Variants in HDAC4 observed in about 807,000 individuals in gnomAD.
The protein encoded by HDAC4 is histone deacetylase 4, also known as histone deacetylase A.
A neutral mutation model predicts 135.1 loss-of-function variants in HDAC4; 16 were observed. The observed-to-expected ratio is 0.12, with a 90% CI of 0.08 to 0.18. The LOEUF (loss-of-function observed/expected upper bound fraction) is 0.18. Among genes scored for constraint, HDAC4 ranks in the 10% least tolerant of loss-of-function variants. HDAC4 has a pLI of 1.00. For missense variants in HDAC4, 1,143 were observed against 1,511.8 expected, an observed-to-expected ratio of 0.76 and a Z score of 4.05; for synonymous variants, 685 against 653.4, an observed-to-expected ratio of 1.05 and a Z score of -0.74.
intron 1 of HDAC4, among the ~76,000 whole-genome samples, chr2:239,381,591 G>C (rs1307630642): frequency 1.3e-5 from 2 of 152,170 alleles, no homozygotes; most frequent in Non-Finnish European, 2.9e-5. Flanking sequence ...CTGTACAGTG[G>C]AACAAAATCC....
rs1350893261 is a variant in HDAC4, at chr2:239,357,905, AAAAAAAAAAAAAG to A, written c.-219-5000_-219-4988del. Among the ~76,000 whole-genome samples, 132 of 132,406 alleles carry A rather than the reference AAAAAAAAAAAAAG, an allele frequency of 1.0e-3. 1 individual carries two copies. In the South Asian group the frequency reaches 0.012, roughly 12 times the overall value. The allele number at this position is 132,406 out of a possible 152,430, so 86.9% of individuals were successfully genotyped here. ...CTCTGTTCCAAAAAAAAAAAAAAAA[AAAAAAAAAAAAAG>A]AGAGTGGGAATTAACTACAGATTGC... On this transcript the variant is annotated intron_variant, in intron 1 of 26. Transcript: ENST00000543185.
At chr2:239,209,078 G>A (rs763155287) in intron 3 of HDAC4, among the ~76,000 whole-genome samples, 190 of 152,060 alleles carry the variant, frequency 1.2e-3, no homozygotes, top group African/African-American at 1.7e-3. Flanking sequence ...AGGGGGTTTC[G>A]CCATGTTGCT....
At chr2:239,193,486 G>T (rs1402022284) in intron 3 of HDAC4, among the ~76,000 whole-genome samples, 1 of 152,232 alleles carries the variant, frequency 6.6e-6, no homozygotes, top group Non-Finnish European at 1.5e-5. Context: ...GAGGAGCACA[G>T]GAGCTGATGG....
At position 239,313,487 on chromosome 2, in the gene HDAC4, A is replaced by G. The variant is rs181036682; in HGVS notation, c.22+39191T>C. Among the ~76,000 whole-genome samples the G allele has an allele frequency of 1.3e-3, 191 of 152,130 alleles. 1 individual carries two copies. The highest frequency in any genetic ancestry group is 4.5e-3 in the African/African-American group (186 of 41,502). ...GCTGGCCATCCCACCGAGCACTGAT[A>G]CCGCAGGCTGGACTCTTCCTAACCT... On this transcript the variant is annotated intron_variant, in intron 2 of 26. Coordinates refer to ENST00000543185, the MANE Select transcript of HDAC4 (RefSeq NM_001378414.1). This position sits in a 1 kb window ranked among gnomAD's most constrained non-coding sequence, Gnocchi z 5.1.
chr2:239,335,508 CA>C (rs61007856), intron 2 of HDAC4, among the ~76,000 whole-genome samples: 12,267 of 59,628 alleles, frequency 0.21, 303 homozygotes, highest in East Asian at 0.3. Context: ...ATCTGTTCAG[CA>C]AAAAAAAAAA....
intron 2 of HDAC4, among the ~76,000 whole-genome samples, chr2:239,275,406 C>A (rs2050298936): frequency 6.6e-6 from 1 of 152,264 alleles, no homozygotes; most frequent in African/African-American, 2.4e-5. Flanking sequence ...CCCAGACTTG[C>A]TGATTCACCA....
At position 239,249,296 on chromosome 2, in the gene HDAC4, G is replaced by A. The variant is rs75314607; in HGVS notation, c.23-12632C>T. On this transcript the variant is annotated intron_variant, in intron 2 of 26. Transcript: ENST00000543185. The stretch of plus-strand genomic sequence containing the variant: ...CTTCCATTCCGACTTCAGCCACCAT[G>A]CGGAGTGTCGCCCAGGGCGGGGAGG... Among the ~76,000 whole-genome samples the A allele has an allele frequency of 6.3e-3, 965 of 152,334 alleles. 21 individuals are homozygous for A. The East Asian group carries it at 0.086, about 14-fold the overall frequency.
chr2:239,392,105 G>C (rs1427676808), intron 1 of HDAC4, among the ~76,000 whole-genome samples: 2 of 152,248 alleles, frequency 1.3e-5, no homozygotes, highest in African/African-American at 4.8e-5. Context: ...GGGCAGGGGT[G>C]GGATGGCCCA....
At chr2:239,233,700 A>G (rs2047727797) in intron 3 of HDAC4, among the ~76,000 whole-genome samples, 1 of 152,226 alleles carries the variant, frequency 6.6e-6, no homozygotes, top group Non-Finnish European at 1.5e-5. Flanking sequence ...TGTTGAACAT[A>G]ACGGCATTCA....
chr2:239,248,812 C>T (rs982662136), intron 2 of HDAC4, among the ~76,000 whole-genome samples: 4 of 152,200 alleles, frequency 2.6e-5, no homozygotes, highest in African/African-American at 9.7e-5. Flanking sequence ...AAACTGACCC[C>T]CACTCTGCTG....
rs1467599790 is a variant in HDAC4, at chr2:239,299,285, T to C, written c.22+53393A>G. ...ACATCAGAGTGAAAATGCCTCATGA[T>C]TGGTCCATCCTGTACAATAGGTTTA... On this transcript the variant is annotated intron_variant, in intron 2 of 26. Transcript: ENST00000543185. The surrounding 1 kb of genome is among the most constrained non-coding windows in gnomAD (Gnocchi z 4.0). 1.3e-5 allele frequency among the ~76,000 whole-genome samples: 2 copies of C among 152,220 alleles called. No homozygotes were observed. The highest frequency in any genetic ancestry group is 2.9e-5 in the Non-Finnish European group (2 of 68,038).
At chr2:239,357,462 A>AG in intron 1 of HDAC4, among the ~76,000 whole-genome samples, 1 of 152,026 alleles carries the variant, frequency 6.6e-6, no homozygotes, top group South Asian at 2.1e-4. Context: ...AGAAAAAAAA[A>AG]ACAGTAACAG....
At chr2:239,084,603 AC>A (rs2035702940) in intron 19 of HDAC4, among the ~76,000 whole-genome samples, 1 of 147,694 alleles carries the variant, frequency 6.8e-6, no homozygotes, top group Non-Finnish European at 1.5e-5. Flanking sequence ...ACACACACAC[AC>A]CCCCCACAGA....
intron 2 of HDAC4, among the ~76,000 whole-genome samples, chr2:239,253,311 C>A (rs539839951): frequency 6.6e-6 from 1 of 152,244 alleles, no homozygotes; most frequent in Non-Finnish European, 1.5e-5. Flanking sequence ...TAAAGTCCCA[C>A]ACTTGGGCAT....
At chr2:239,367,212 A>T (rs1221950825) in intron 1 of HDAC4, among the ~76,000 whole-genome samples, 1 of 152,156 alleles carries the variant, frequency 6.6e-6, no homozygotes, top group African/African-American at 2.4e-5. Flanking sequence ...GAAAAATGTC[A>T]TGTGCCCTTC....
chr2:239,239,766 T>C (rs574371403), intron 2 of HDAC4, among the ~76,000 whole-genome samples: 1 of 152,328 alleles, frequency 6.6e-6, no homozygotes, highest in East Asian at 1.9e-4. Context: ...GACATGGAAA[T>C]GCTCGAAGGG....
chr2:239,320,014 T>C (rs910291209), intron 2 of HDAC4, among the ~76,000 whole-genome samples: 2 of 146,216 alleles, frequency 1.4e-5, no homozygotes, highest in Non-Finnish European at 3.0e-5. Context: ...ATAATGTCTA[T>C]GAATTGTTTA....
chr2:239,084,320 C>T (rs1248966644), intron 19 of HDAC4, 78 bp from the exon 20 acceptor site: 33 of 993,384 alleles, frequency 3.3e-5, no homozygotes, highest in Non-Finnish European at 5.0e-5. Flanking sequence ...CAGAGAGCCA[C>T]TCGGGGTCCA....
At chr2:239,242,103 A>AAG (rs1287016956) in intron 2 of HDAC4, among the ~76,000 whole-genome samples, 435 of 151,094 alleles carry the variant, frequency 2.9e-3, no homozygotes, top group African/African-American at 0.01. Flanking sequence ...GGAAGGAAGG[A>AAG]GAAAAAAAGA....
Sources: gnomAD v4.1 joint callset for allele counts (sites outside exome capture counted in the v4.1 genomes callset) on GRCh38, gnomAD v4.1.1 for gene constraint, Gnocchi (gnomAD v3.1) non-coding constraint, MANE v1.5 for transcripts, NCBI Gene and HGNC (gene_info 2026-07-23, HGNC 2026-07-21) for gene names.